The following CMSS1 variants were observed in gnomAD, a reference collection of about 807,000 sequenced individuals.
The protein encoded by CMSS1 is cms1 ribosomal small subunit homolog.
In CMSS1, 33 loss-of-function variants were observed where a neutral mutation model predicts 43.5. That is an observed-to-expected ratio of 0.76 (90% CI 0.57 to 1.01). The LOEUF (loss-of-function observed/expected upper bound fraction) is 1.01, where lower values mean the gene tolerates loss of function less well. Among genes scored for constraint, CMSS1 ranks in the 50% least tolerant of loss-of-function variants. The probability of loss-of-function intolerance (pLI) is 0.00; values close to 1 mark genes in which losing one functional copy is unlikely to be tolerated. For synonymous variants in CMSS1, 115 were observed against 117.2 expected, an observed-to-expected ratio of 0.98 and a Z score of 0.12; for missense variants, 313 against 326.4, an observed-to-expected ratio of 0.96 and a Z score of 0.32.
At chr3:99,884,777 A>G (rs1679673912) in intron 1 of CMSS1, among the ~76,000 whole-genome samples, 1 of 152,226 alleles carries the variant, frequency 6.6e-6, no homozygotes, top group Non-Finnish European at 1.5e-5. Flanking sequence ...CAATTTAACC[A>G]TTGAGGCAAA....
chr3:100,114,226 G>A (rs2066535766), intron 1 of CMSS1: 2 of 151,692 alleles, frequency 1.3e-5, no homozygotes, highest in Non-Finnish European at 2.9e-5. Context: ...GCAACCAGGG[G>A]CCAGTGATAG....
At chr3:100,124,690 G>T (rs143343455) in intron 1 of CMSS1, among the ~76,000 whole-genome samples, 1 of 152,254 alleles carries the variant, frequency 6.6e-6, no homozygotes, top group African/African-American at 2.4e-5. Flanking sequence ...ATCCCCAAAT[G>T]GCAAAAGGCC....
chr3:99,848,236 CA>C (rs1302062517), intron 1 of CMSS1: 2 of 1,589,388 alleles, frequency 1.3e-6, no homozygotes, highest in South Asian at 2.3e-5. Flanking sequence ...GAGTTCCTTG[CA>C]AAAATATCAG....
At chr3:100,062,509 C>G (rs1220701741) in intron 1 of CMSS1, among the ~76,000 whole-genome samples, 1 of 152,094 alleles carries the variant, frequency 6.6e-6, no homozygotes, top group African/African-American at 2.4e-5. Context: ...TGCAGCCAGT[C>G]CCTCATACGG....
At chr3:99,922,635 A>C (rs17313599) in intron 1 of CMSS1, among the ~76,000 whole-genome samples, 12,017 of 152,258 alleles carry the variant, frequency 0.079, 554 homozygotes, top group Admixed American at 0.11. Flanking sequence ...TAGTTGAATA[A>C]GCCATTTGAG....
intron 1 of CMSS1, among the ~76,000 whole-genome samples, chr3:100,100,838 C>G (rs1328808183): frequency 6.6e-6 from 1 of 152,082 alleles, no homozygotes; most frequent in African/African-American, 2.4e-5. Flanking sequence ...GTCCTGGTGT[C>G]TTTTGAAGAG....
intron 1 of CMSS1, among the ~76,000 whole-genome samples, chr3:99,961,635 G>A (rs1046885522): frequency 2.0e-5 from 3 of 152,112 alleles, no homozygotes; most frequent in African/African-American, 4.8e-5. Flanking sequence ...CCTGGGAACC[G>A]ATACCTTTGG....
rs9879459 is a variant in CMSS1 at position 99,986,170 on chromosome 3, C to G, written c.65-160803C>G. ...TTTTATTTTAATAAGAACCAGATAT[C>G]TCAAATATGTTCAAATTATAAGATG... On this transcript the variant is annotated intron_variant, in intron 1 of 9. Transcript: ENST00000421999. 5.0e-3 allele frequency among the ~76,000 whole-genome samples: 762 copies of G among 152,232 alleles called. 5 individuals carry two copies. Among genetic ancestry groups the G allele is most frequent in the African/African-American group, 0.017 (716 of 41,532 alleles).
chr3:100,125,219 G>C (rs748529224), intron 1 of CMSS1, among the ~76,000 whole-genome samples: 2 of 152,120 alleles, frequency 1.3e-5, no homozygotes, highest in African/African-American at 4.8e-5. Context: ...TGTTACTCTA[G>C]TGCTTCTCAT....
intron 2 of CMSS1, among the ~76,000 whole-genome samples, chr3:100,150,565 T>G (rs2066898837): frequency 6.6e-6 from 1 of 152,238 alleles, no homozygotes; most frequent in South Asian, 2.1e-4. Flanking sequence ...TTTCTGTCGC[T>G]GAATACATGC....
At chr3:99,961,175 A>G (rs1024979871) in intron 1 of CMSS1, among the ~76,000 whole-genome samples, 7 of 152,202 alleles carry the variant, frequency 4.6e-5, no homozygotes, top group Admixed American at 2.0e-4. Context: ...GTAAAGTTAA[A>G]TTGCCTCTTC....
intron 1 of CMSS1, among the ~76,000 whole-genome samples, chr3:99,910,336 A>G (rs1706750427): frequency 7.3e-6 from 1 of 137,080 alleles, no homozygotes; most frequent in Admixed American, 7.7e-5. Context: ...ACTGACTCAC[A>G]CTGTCGACTG....
In CMSS1 at chr3:99,823,232, G is replaced by A. The variant is rs577419329; in HGVS notation, c.64+5189G>A. ...CTACAAATAAGCAGCTTTTCCATTTGGGCTTTGAGAACCATTTCTGCCAGT... is the reference window on the plus strand; with the variant it reads ...CTACAAATAAGCAGCTTTTCCATTTAGGCTTTGAGAACCATTTCTGCCAGT... On this transcript the variant is annotated intron_variant, in intron 1 of 9. Transcript: ENST00000421999. 2.0e-5 allele frequency among the ~76,000 whole-genome samples: 3 copies of A among 152,180 alleles called. No individual in the cohort carries two copies. The South Asian group carries it at 6.2e-4, about 32-fold the overall frequency.
chr3:100,021,648 G>A (rs186292528), intron 1 of CMSS1, among the ~76,000 whole-genome samples: 200 of 152,260 alleles, frequency 1.3e-3, no homozygotes, highest in African/African-American at 4.5e-3. Context: ...ACAAATCAGT[G>A]AATTTTAAAT....
intron 1 of CMSS1, among the ~76,000 whole-genome samples, chr3:100,090,763 C>G (rs1459746828): frequency 1.3e-5 from 2 of 152,186 alleles, no homozygotes. Context: ...TGTCTGATCA[C>G]CACTGTCCTA....
chr3:100,147,129 G>T (rs1015619682), intron 2 of CMSS1, 68 bp downstream of exon 2: 2 of 1,559,472 alleles, frequency 1.3e-6, no homozygotes, highest in African/African-American at 1.4e-5. Flanking sequence ...CCTCTCTATT[G>T]AACTCCCCAT....
chr3:100,129,465 T>G (rs1021784590), intron 1 of CMSS1, among the ~76,000 whole-genome samples: 8 of 152,194 alleles, frequency 5.3e-5, no homozygotes, highest in Non-Finnish European at 4.4e-5. Context: ...TAAAGAGTGC[T>G]CTCTGGTAAT....
intron 1 of CMSS1, among the ~76,000 whole-genome samples, chr3:100,137,757 G>A (rs1464258252): frequency 3.3e-5 from 5 of 151,944 alleles, no homozygotes; most frequent in African/African-American, 9.7e-5. Flanking sequence ...TAGTAGAGAC[G>A]GGGTTTCACC....
At chr3:100,155,412 A>G (rs2066962792) in intron 2 of CMSS1, among the ~76,000 whole-genome samples, 1 of 152,198 alleles carries the variant, frequency 6.6e-6, no homozygotes, top group Non-Finnish European at 1.5e-5. Flanking sequence ...CATATGTTCC[A>G]ACATCTCTTC....
Sources: allele counts gnomAD v4.1 joint callset (sites outside exome capture counted in the v4.1 genomes callset), GRCh38; gene constraint gnomAD v4.1.1; transcripts MANE v1.5; gene names NCBI Gene and HGNC (gene_info 2026-07-23, HGNC 2026-07-21).